Variants in SLX4 observed in about 807,000 individuals in gnomAD.
The protein encoded by SLX4 is structure-specific endonuclease subunit SLX4.
In SLX4, 112 loss-of-function variants were observed where a neutral mutation model predicts 146.2. The ratio of observed to expected loss-of-function variants is 0.77; its 90% CI spans 0.66 to 0.90. SLX4 has a LOEUF of 0.90. SLX4 is among the 40% of genes least tolerant of loss of function. The pLI, the probability that SLX4 is intolerant of heterozygous loss-of-function variation, is 0.00. For missense variants in SLX4, 2,563 were observed against 2,392.7 expected (o/e 1.07, Z -1.49); for synonymous variants, 1,061 against 997.7 (o/e 1.06, Z -1.20).
At chr16:3,593,598 G>A (rs897042850) in intron 10 of SLX4, among the ~76,000 whole-genome samples, 1 of 152,178 alleles carries the variant, frequency 6.6e-6, no homozygotes, top group Non-Finnish European at 1.5e-5. Flanking sequence ...AATTTTACAG[G>A]TGAGGCCTAA....
Position 3,594,599 on chromosome 16 carries a change from G to A in SLX4, c.2014C>T (p.Leu672Phe). 6.2e-7 allele frequency: 1 copy of A among 1,614,056 alleles called. No homozygotes were observed. Among genetic ancestry groups the A allele is most frequent in the South Asian group, 1.1e-5 (1 of 91,078 alleles). The change falls in exon 10 of 15, where the codon CTC (leucine) becomes TTC (phenylalanine). Residue 672 changes from leucine (L) to phenylalanine (F), a missense_variant and splice_region_variant. Coordinates refer to ENST00000294008, the MANE Select transcript of SLX4 (RefSeq NM_032444.4). ...KHPDRGGRTL[L>F]SLGLLVADFG... is the part of the protein sequence containing the mutation. Reference sequence around the variant, plus strand: ...TCAGCAACCAGCAGCCCGAGGGAGAGCTGAAGCAGGAGGAGAGGAAGAGCC... The same window carrying A: ...TCAGCAACCAGCAGCCCGAGGGAGAACTGAAGCAGGAGGAGAGGAAGAGCC...
In SLX4 at chr16:3,584,846, C is replaced by CA; in HGVS notation, c.4661dup (p.Leu1554PhefsTer27). The CA allele has an allele frequency of 3.1e-6, 5 of 1,613,942 alleles. No homozygotes were observed. The highest frequency in any genetic ancestry group is 4.2e-6 in the Non-Finnish European group (5 of 1,179,826). On this transcript the variant is annotated frameshift_variant, in exon 13 of 15. Coordinates refer to ENST00000294008, the MANE Select transcript of SLX4 (RefSeq NM_032444.4). LOFTEE classifies it high-confidence loss of function. ...TCGGCGTTATGGGCACTTTGGGGGG[C>CA]AAGTTCTTCTTCCGATTAGCACCTT...
chr16:3,595,706 T>C lies in SLX4; in HGVS notation c.1925-13A>G, dbSNP rs201324113. 3.1e-6 allele frequency: 5 copies of C among 1,613,528 alleles called. No individual in the cohort carries two copies. The highest frequency in any genetic ancestry group is 3.4e-6 in the Non-Finnish European group (4 of 1,179,870). On this transcript the variant is annotated splice_polypyrimidine_tract_variant and intron_variant, in intron 8 of 14. Coordinates refer to ENST00000294008, the MANE Select transcript of SLX4 (RefSeq NM_032444.4). ...ACCACGTCCAACCCTGAGTGGAGGA[T>C]TCACAGGTTAAAGGAACGTCACAGC...
rs149626570 is a variant in SLX4 at position 3,608,599 on chromosome 16, C to T, written c.366G>A (p.Lys122=). The T allele has an allele frequency of 2.5e-6, 4 of 1,614,044 alleles. No individual in the cohort carries two copies. Among genetic ancestry groups the T allele is most frequent in the Non-Finnish European group, 2.5e-6 (3 of 1,180,036 alleles). Residue 122 remains lysine, a synonymous_variant, in exon 2 of 15, where the codon AAG becomes AAA. Transcript: ENST00000294008. The part of the protein sequence containing the change: ...PSGSQAPRTK[K]QRVTKWQASE... ...TTGCTTGCCATTTGGTTACCCTTTG[C>T]TTTTTAGTCCTAGGGGCCTGGCTGC...
intron 7 of SLX4, 138 bp from the exon 8 acceptor site, chr16:3,596,531 C>T (rs1411195554): frequency 1.2e-5 from 13 of 1,079,254 alleles, no homozygotes; most frequent in Middle Eastern, 2.8e-4. Context: ...AGACTGTCCC[C>T]GGGGCTCCAG....
Position 3,596,312 on chromosome 16 carries a change from C to A in SLX4, c.1765G>T (p.Gly589Cys). The A allele has an allele frequency of 6.3e-7, 1 of 1,578,692 alleles. No individual in the cohort carries two copies. The highest frequency in any genetic ancestry group is 8.6e-7 in the Non-Finnish European group (1 of 1,162,786). Residue 589 changes from glycine to cysteine, a missense_variant, in exon 8 of 15, where the codon GGC becomes TGC. Coordinates refer to ENST00000294008, the MANE Select transcript of SLX4 (RefSeq NM_032444.4). ...GAGCCACAGCCTGCAGTGGGGGTGC[C>A]GTGGAGAGCGGGTGACCTTCGCTCG... The part of the protein sequence containing the change: ...LSERRSPALH[G>C]TPTAGCGSRG...
chr16:3,598,076 G>A lies in SLX4; in HGVS notation c.1164-77C>T, dbSNP rs541579892. ...CTCAGGTTGGTCACACTGGTCTGGA[G>A]AGGGCTGGGCCTGAGAGAAAAGTGA... On this transcript the variant is annotated intron_variant, in intron 5 of 14. Coordinates refer to ENST00000294008, the MANE Select transcript of SLX4 (RefSeq NM_032444.4). The A allele has an allele frequency of 2.7e-4, 413 of 1,555,004 alleles. 4 individuals are homozygous for A. The South Asian group carries it at 4.4e-3, about 17-fold the overall frequency.
At chr16:3,591,365 G>A in intron 11 of SLX4, 55 bp from the exon 12 acceptor site, 2 of 1,600,814 alleles carry the variant, frequency 1.2e-6, no homozygotes, top group Non-Finnish European at 1.7e-6. Context: ...TGGGCTCTGG[G>A]TGCCCCGGTG....
Position 3,608,430 on chromosome 16 carries a change from C to G in SLX4, c.535G>C (p.Glu179Gln). The G allele has an allele frequency of 6.2e-7, 1 of 1,614,166 alleles. No individual in the cohort carries two copies. The highest frequency in any genetic ancestry group is 8.5e-7 in the Non-Finnish European group (1 of 1,180,030). Reference sequence around the variant, plus strand: ...CCTGGTTTAAAAGAGTACAAATTACCTCTGGTTTTCTCTCTGGAAAGGTTT... The same window carrying G: ...CCTGGTTTAAAAGAGTACAAATTACGTCTGGTTTTCTCTCTGGAAAGGTTT... ...SPNLSREKTR[E>Q]NVPNSDSQPP... The change falls in exon 2 of 15, where the codon GAG (glutamate) becomes CAG (glutamine). Residue 179 changes from glutamate to glutamine, a missense_variant and splice_region_variant. Physicochemically the swap from Glu to Gln is conservative, Grantham distance 29. Coordinates refer to ENST00000294008, the MANE Select transcript of SLX4 (RefSeq NM_032444.4).
At chr16:3,602,055 C>T (rs1165895721) in intron 4 of SLX4, 63 bp downstream of exon 4, 6 of 1,601,296 alleles carry the variant, frequency 3.7e-6, no homozygotes, top group African/African-American at 1.3e-5. Flanking sequence ...GCACTCCAGC[C>T]CTGGGGTGCT....
At chr16:3,600,590 G>GTT (rs1567175331) in intron 5 of SLX4, 2 of 155,784 alleles carry the variant, frequency 1.3e-5, no homozygotes, top group Non-Finnish European at 2.4e-5. Flanking sequence ...ACTATAAAAA[G>GTT]CTTTTTTTTT....
Position 3,597,982 on chromosome 16 carries a change from C to G in SLX4, c.1181G>C (p.Arg394Thr), listed in dbSNP as rs746168778. Residue 394 changes from arginine to threonine, a missense_variant, in exon 6 of 15, where the codon AGA becomes ACA. Physicochemically the swap from Arg to Thr is moderately conservative, Grantham distance 71 (BLOSUM62 -1). Transcript: ENST00000294008. This position sits in a 1 kb window ranked among gnomAD's most constrained non-coding sequence, Gnocchi z 4.4. ...PPMFSFSDHS[R>T]GLKRRGPTSK... ...GGTGGGTCCTCTCCGTTTCAGACCT[C>G]TACTGTGATCACTGAAGCTAGAAAA... 6.2e-7 allele frequency: 1 copy of G among 1,614,190 alleles called. No individual in the cohort carries two copies. The highest frequency in any genetic ancestry group is 1.1e-5 in the South Asian group (1 of 91,086).
Position 3,589,953 on chromosome 16 carries a change from A to C in SLX4, c.3685T>G (p.Leu1229Val), listed in dbSNP as rs1303825377. Residue 1229 changes from leucine to valine, a missense_variant, in exon 12 of 15, where the codon TTG becomes GTG. By Grantham distance (32) the Leu-to-Val change is conservative. Coordinates refer to ENST00000294008, the MANE Select transcript of SLX4 (RefSeq NM_032444.4). The surrounding 1 kb of genome is among the most constrained non-coding windows in gnomAD (Gnocchi z 6.2). ...AGCCAGGGAGCCCCTCTCCTGCCCA[A>C]AGAGCCCCGATTCTCCGGCAGCGCC... ...EGALPENRGSLGRRGAPWLFC... is the reference protein window; with the variant it reads ...EGALPENRGSVGRRGAPWLFC... The C allele has an allele frequency of 6.2e-7, 1 of 1,613,448 alleles. No individual in the cohort carries two copies. The highest frequency in any genetic ancestry group is 1.1e-5 in the South Asian group (1 of 91,062).
In SLX4 at chr16:3,590,530, T is replaced by A. The variant is rs751431046; in HGVS notation, c.3108A>T (p.Leu1036=). ...GACTCCCGCCCTGGGGAGGCCCCAA[T>A]AGGAAGCGGCACGGGTGCGGTGGAG... ...QASPPHPCRF[L]LGPPQGGSPR... Residue 1036 remains leucine (L), a synonymous_variant, in exon 12 of 15, where the codon CTA becomes CTT. Transcript: ENST00000294008. The surrounding 1 kb of genome is among the most constrained non-coding windows in gnomAD (Gnocchi z 4.8). 2 of 1,613,008 alleles carry A rather than the reference T, an allele frequency of 1.2e-6. No homozygotes were observed.
intron 10 of SLX4, among the ~76,000 whole-genome samples, chr16:3,593,674 T>A (rs2040617173): frequency 6.6e-6 from 1 of 152,194 alleles, no homozygotes; most frequent in African/African-American, 2.4e-5. Flanking sequence ...GTCCTCCTGA[T>A]AGACACATAT....
Position 3,596,179 on chromosome 16 carries a change from C to G in SLX4, c.1898G>C (p.Gly633Ala), listed in dbSNP as rs1056085. Residue 633 changes from glycine (G) to alanine (A), a missense_variant, in exon 8 of 15, where the codon GGC (glycine) becomes GCC (alanine). Transcript: ENST00000294008. ...LSASPWPGSG[G>A]LAGSEGTAGL... ...TGCAGTCCCTTCCGAGCCAGCCAGG[C>G]CCCCACTGCCGGGCCACGGGCTGGC... 7.1e-6 allele frequency: 11 copies of G among 1,551,708 alleles called. No individual in the cohort carries two copies. The highest frequency in any genetic ancestry group is 9.6e-6 in the Non-Finnish European group (11 of 1,150,194).
At chr16:3,594,409 G>C in intron 10 of SLX4, 44 bp downstream of exon 10, 2 of 1,588,642 alleles carry the variant, frequency 1.3e-6, no homozygotes, top group Non-Finnish European at 8.6e-7. Flanking sequence ...GGAGGAGAGA[G>C]GGAGAGAGAG....
At chr16:3,592,263 C>A (rs548942370) in intron 11 of SLX4, among the ~76,000 whole-genome samples, 58 of 152,372 alleles carry the variant, frequency 3.8e-4, no homozygotes, top group Admixed American at 1.1e-3. Flanking sequence ...AAGATGCTGG[C>A]TGGACAAGCC....
chr16:3,595,869 C>T lies in SLX4; in HGVS notation c.1925-176G>A, dbSNP rs772709036. On this transcript the variant is annotated intron_variant, in intron 8 of 14. Transcript: ENST00000294008. ...ACACCCTGTCTCACCACCACTCCAC[C>T]AGGGAGGTAAGAGAAGAGCAAAACA... Among the ~76,000 whole-genome samples the T allele has an allele frequency of 1.3e-3, 202 of 152,324 alleles. No homozygotes were observed. Among genetic ancestry groups the T allele is most frequent in the Non-Finnish European group, 2.4e-3 (160 of 68,028 alleles).
Sources: allele counts gnomAD v4.1 joint callset (sites outside exome capture counted in the v4.1 genomes callset), GRCh38; gene constraint gnomAD v4.1.1; non-coding constraint Gnocchi (gnomAD v3.1); transcripts MANE v1.5; gene names NCBI Gene and HGNC (gene_info 2026-07-23, HGNC 2026-07-21).